MYRIP: variants seen among roughly 807,000 people sequenced by gnomAD.
MYRIP encodes the protein myosin VIIA and Rab interacting protein.
Under a neutral mutation model 98.0 loss-of-function variants are expected in MYRIP, and 49 were observed. The observed-to-expected ratio is 0.50, with a 90% CI of 0.40 to 0.63. MYRIP has a LOEUF of 0.63. Among genes scored for constraint, MYRIP ranks in the 30% least tolerant of loss-of-function variants. MYRIP has a pLI of 0.00. For missense variants in MYRIP, 1,004 were observed against 1,058.2 expected (o/e 0.95, Z 0.71); for synonymous variants, 404 against 409.5 (o/e 0.99, Z 0.16).
At chr3:40,192,328 C>CATATATATATATGTTAT (rs1951250103) in intron 10 of MYRIP, among the ~76,000 whole-genome samples, 1 of 37,842 alleles carries the variant, frequency 2.6e-5, no homozygotes, top group Admixed American at 2.5e-4. Context: ...ATATATATGT[C>CATATATATATATGTTAT]ATATATATAT....
intron 3 of MYRIP, among the ~76,000 whole-genome samples, chr3:40,081,339 A>G (rs1948475731): frequency 6.6e-6 from 1 of 152,208 alleles, no homozygotes; most frequent in Non-Finnish European, 1.5e-5. Context: ...GCATTTCAAA[A>G]TCTACCCTAA....
rs535858527 is a variant in MYRIP, at chr3:40,039,071, C to T, written c.111-4979C>T. On this transcript the variant is annotated intron_variant, in intron 2 of 16. Transcript: ENST00000302541. ...TGCCCACATGAAATGGTTTTCTGTTCGGCCTGGAGCTGGGTTCCTCTTCCA... is the reference window on the plus strand; with the variant it reads ...TGCCCACATGAAATGGTTTTCTGTTTGGCCTGGAGCTGGGTTCCTCTTCCA... Among the ~76,000 whole-genome samples the T allele has an allele frequency of 5.0e-4, 76 of 152,196 alleles. No homozygotes were observed. The South Asian group carries it at 0.01, about 20-fold the overall frequency.
At chr3:39,911,989 T>A (rs1559519503) in intron 2 of MYRIP, among the ~76,000 whole-genome samples, 4 of 152,144 alleles carry the variant, frequency 2.6e-5, no homozygotes, top group African/African-American at 9.7e-5. Context: ...ATGAGCTTCT[T>A]CTCCTTCTCC....
At chr3:40,062,826 G>A (rs942094655) in intron 3 of MYRIP, among the ~76,000 whole-genome samples, 17 of 152,192 alleles carry the variant, frequency 1.1e-4, no homozygotes, top group Non-Finnish European at 1.9e-4. Flanking sequence ...TGGTAGCATC[G>A]TGTGCCATTT....
intron 1 of MYRIP, among the ~76,000 whole-genome samples, chr3:39,875,074 G>A (rs1219509809): frequency 2.0e-5 from 3 of 152,152 alleles, no homozygotes; most frequent in Non-Finnish European, 4.4e-5. Flanking sequence ...TCTTGGGAGG[G>A]TGTATGTGTC....
chr3:39,826,469 A>G (rs1941270015), intron 1 of MYRIP, among the ~76,000 whole-genome samples: 1 of 152,068 alleles, frequency 6.6e-6, no homozygotes, highest in African/African-American at 2.4e-5. Context: ...TATAGTTTTG[A>G]ATATTCTTAT....
rs1951975595 is a variant in MYRIP at position 40,212,237 on chromosome 3, CACACACACATATATATATAT to C, written c.1905+2149_1905+2168del. On this transcript the variant is annotated intron_variant, in intron 11 of 16. Transcript: ENST00000302541. ...GTATATATATATATACACACACACA[CACACACACATATATATATAT>C]ACACGTATATATATAGAGAGAGAGC... Among the ~76,000 whole-genome samples, 4 of 44,138 alleles carry C rather than the reference CACACACACATATATATATAT, an allele frequency of 9.1e-5. 2 individuals are homozygous for C. Among genetic ancestry groups the C allele is most frequent in the African/African-American group, 2.1e-4 (4 of 18,612 alleles). 29.0% of individuals were successfully genotyped at this position (44,138 alleles called of 152,430 possible).
At chr3:40,086,920 T>C (rs939601103) in intron 3 of MYRIP, among the ~76,000 whole-genome samples, 1 of 151,890 alleles carries the variant, frequency 6.6e-6, no homozygotes, top group African/African-American at 2.4e-5. Flanking sequence ...CTGCTTGGCA[T>C]TCAGAGCTCT....
intron 1 of MYRIP, among the ~76,000 whole-genome samples, chr3:39,815,288 G>A (rs1169498692): frequency 2.0e-5 from 3 of 152,140 alleles, no homozygotes; most frequent in Non-Finnish European, 4.4e-5. Flanking sequence ...AATACAGTAT[G>A]TGGCATTTTG....
intron 2 of MYRIP, among the ~76,000 whole-genome samples, chr3:39,983,812 T>C (rs905061926): frequency 3.3e-5 from 5 of 152,234 alleles, no homozygotes; most frequent in Non-Finnish European, 7.3e-5. Context: ...CACCTTCATG[T>C]TACTTGATTC....
intron 2 of MYRIP, among the ~76,000 whole-genome samples, chr3:39,989,453 G>C (rs545636666): frequency 6.6e-6 from 1 of 152,284 alleles, no homozygotes; most frequent in Non-Finnish European, 1.5e-5. Flanking sequence ...GAACGCTCTT[G>C]TATAGCATGT....
chr3:40,043,663 G>A (rs745981824), intron 2 of MYRIP, among the ~76,000 whole-genome samples: 3 of 152,182 alleles, frequency 2.0e-5, no homozygotes, highest in African/African-American at 7.2e-5. Context: ...GCTGGGCTGT[G>A]TGAGGATTAA....
intron 4 of MYRIP, among the ~76,000 whole-genome samples, chr3:40,159,868 G>T (rs940989288): frequency 6.6e-5 from 10 of 152,276 alleles, no homozygotes; most frequent in African/African-American, 2.2e-4. Context: ...GCACTTCTCT[G>T]TGTTAGTTAT....
chr3:39,926,719 G>C (rs1454307435), intron 2 of MYRIP, among the ~76,000 whole-genome samples: 1 of 151,984 alleles, frequency 6.6e-6, no homozygotes, highest in East Asian at 1.9e-4. Context: ...CCACTACTGT[G>C]CTGTTTTGGT....
At chr3:39,969,196 A>C (rs977913739) in intron 2 of MYRIP, among the ~76,000 whole-genome samples, 1 of 152,124 alleles carries the variant, frequency 6.6e-6, no homozygotes, top group Non-Finnish European at 1.5e-5. Context: ...ACTTTGCTGA[A>C]GTTGTTTATT....
At chr3:39,927,955 C>T (rs77619722) in intron 2 of MYRIP, among the ~76,000 whole-genome samples, 8,008 of 151,938 alleles carry the variant, frequency 0.053, 356 homozygotes, top group East Asian at 0.15. Context: ...TCTCAATAGA[C>T]GTAGAGAAAG....
chr3:40,253,595 G>A lies in MYRIP; in HGVS notation c.2547+1596G>A, dbSNP rs796412475. Among the ~76,000 whole-genome samples the A allele has an allele frequency of 3.0e-4, 46 of 152,252 alleles. 1 individual carries two copies. Among genetic ancestry groups the A allele is most frequent in the African/African-American group, 1.0e-3 (43 of 41,546 alleles). On this transcript the variant is annotated intron_variant, in intron 16 of 16. Transcript: ENST00000302541. ...CCTCCAAACAACCTAAACTAAGATC[G>A]CACTAGTCTTAGTGAGTTAATACAC...
At chr3:40,249,444 G>C (rs1953306911) in intron 13 of MYRIP, among the ~76,000 whole-genome samples, 2 of 152,202 alleles carry the variant, frequency 1.3e-5, no homozygotes, top group Non-Finnish European at 2.9e-5. Context: ...CTTTGAGCCA[G>C]TTTCCTTATC....
chr3:40,096,726 C>T (rs1046940188), intron 3 of MYRIP, among the ~76,000 whole-genome samples: 3 of 152,182 alleles, frequency 2.0e-5, no homozygotes, highest in Non-Finnish European at 2.9e-5. Flanking sequence ...TTCCACAGGG[C>T]CTGCATCTCA....
Sources: allele counts gnomAD v4.1 joint callset (sites outside exome capture counted in the v4.1 genomes callset), GRCh38; gene constraint gnomAD v4.1.1; transcripts MANE v1.5; gene names NCBI Gene and HGNC (gene_info 2026-07-23, HGNC 2026-07-21).